ADAMTS2: variants seen among roughly 807,000 people sequenced by gnomAD.
The protein encoded by ADAMTS2 is A disintegrin and metalloproteinase with thrombospondin motifs 2.
ADAMTS2 carries 50 observed loss-of-function variants against 123.0 expected under a neutral mutation model. The ratio of observed to expected loss-of-function variants is 0.41; its 90% CI spans 0.32 to 0.51. ADAMTS2 has a LOEUF of 0.51. ADAMTS2 is among the 20% of genes least tolerant of loss of function. The pLI, the probability that ADAMTS2 is intolerant of heterozygous loss-of-function variation, is 0.35. For missense variants in ADAMTS2, 1,494 were observed against 1,705.2 expected (o/e 0.88, Z 2.18); for synonymous variants, 678 against 695.4 (o/e 0.98, Z 0.39).
chr5:179,250,380 GGAAA>G (rs1202499262), intron 3 of ADAMTS2, among the ~76,000 whole-genome samples: 1 of 152,158 alleles, frequency 6.6e-6, no homozygotes, highest in Admixed American at 6.5e-5. Context: ...ACTTCTTGAG[GGAAA>G]ATGGGGAATG....
At chr5:179,333,596 G>GTTTTTTTTTTTTTT (rs1219136980) in intron 2 of ADAMTS2, among the ~76,000 whole-genome samples, 6 of 105,994 alleles carry the variant, frequency 5.7e-5, no homozygotes, top group South Asian at 3.5e-4. Context: ...GTTTTTTTCT[G>GTTTTTTTTTTTTTT]TTTTTTTTTT....
intron 2 of ADAMTS2, among the ~76,000 whole-genome samples, chr5:179,273,583 G>A (rs1193668399): frequency 6.6e-6 from 1 of 152,152 alleles, no homozygotes; most frequent in African/African-American, 2.4e-5. Flanking sequence ...CACTCAGAAT[G>A]ATGAGATTTC....
intron 2 of ADAMTS2, among the ~76,000 whole-genome samples, chr5:179,295,562 C>T (rs903972347): frequency 2.6e-5 from 4 of 152,208 alleles, no homozygotes; most frequent in African/African-American, 9.6e-5. Flanking sequence ...CTCTCATAGT[C>T]CAGGTGCTGG....
intron 5 of ADAMTS2, among the ~76,000 whole-genome samples, chr5:179,163,857 A>G (rs1763645554): frequency 6.6e-6 from 1 of 151,976 alleles, no homozygotes; most frequent in African/African-American, 2.4e-5. Context: ...CCAGAGCTAA[A>G]GGGGTCTATG....
At chr5:179,264,953 C>T (rs1208172643) in intron 3 of ADAMTS2, among the ~76,000 whole-genome samples, 2 of 112,128 alleles carry the variant, frequency 1.8e-5, no homozygotes, top group African/African-American at 2.6e-5. Context: ...CCTGCACCAG[C>T]GCTGACCCCT....
At position 179,121,533 on chromosome 5, in the gene ADAMTS2, C is replaced by T. The variant is rs1581136421; in HGVS notation, c.3178+128G>A. The stretch of plus-strand genomic sequence containing the variant: ...TCAGAGGCCCGGGAGAAAACGGTCA[C>T]CCCAGAGCGCGCCCGCAGAGTCAGG... On this transcript the variant is annotated intron_variant, in intron 21 of 21. Transcript: ENST00000251582. 2.3e-5 allele frequency: 17 copies of T among 739,668 alleles called. 2 individuals are homozygous for T. The South Asian group carries it at 3.3e-4, about 14-fold the overall frequency. The allele number at this position is 739,668 out of a possible 1,614,324, so 45.8% of individuals were successfully genotyped here. A position where few individuals can be genotyped will look rare whatever the true frequency, so the allele number is the denominator to read the frequency against.
At chr5:179,139,518 CA>C (rs1174503573) in intron 11 of ADAMTS2, among the ~76,000 whole-genome samples, 3 of 152,078 alleles carry the variant, frequency 2.0e-5, no homozygotes, top group African/African-American at 4.8e-5. Context: ...CACCTGGCTG[CA>C]AACAGCTGCC....
intron 4 of ADAMTS2, among the ~76,000 whole-genome samples, chr5:179,192,209 G>A (rs992785528): frequency 2.0e-5 from 3 of 152,218 alleles, no homozygotes; most frequent in Admixed American, 6.5e-5. Context: ...TGTGCCCCTC[G>A]ACCTGGGCAG....
At position 179,186,083 on chromosome 5, in the gene ADAMTS2, AG is replaced by A. The variant is rs1764164293; in HGVS notation, c.892-4929del. Among the ~76,000 whole-genome samples the A allele has an allele frequency of 1.3e-5, 2 of 152,032 alleles. 1 individual carries two copies. Among genetic ancestry groups the A allele is most frequent in the East Asian group, 3.9e-4 (2 of 5,118 alleles). ...TCCCCAGGCATGCCCACTCTCTGGG[AG>A]GCAGGCCTGAGCAAGGCCGTGGTGG... is the stretch of plus-strand genomic sequence containing the variant. On this transcript the variant is annotated intron_variant, in intron 4 of 21. Coordinates refer to ENST00000251582, the MANE Select transcript of ADAMTS2 (RefSeq NM_014244.5).
Position 179,111,583 on chromosome 5 carries a change from G to GAATGTC in ADAMTS2, c.*2278_*2283dup, listed in dbSNP as rs1011324059. 5.2e-5 allele frequency: 8 copies of GAATGTC among 152,402 alleles called. No individual in the cohort carries two copies. Among genetic ancestry groups the GAATGTC allele is most frequent in the African/African-American group, 1.9e-4 (8 of 41,596 alleles). 9.4% of individuals were successfully genotyped at this position (152,402 alleles called of 1,614,324 possible). ...CTTCAGCGGAAGACAGGTGCCCAGG[G>GAATGTC]AATGTCCCAGCTGGGCCTCTTCCCA... is the stretch of plus-strand genomic sequence containing the variant. On this transcript the variant is annotated 3_prime_UTR_variant, in exon 22 of 22. Coordinates refer to ENST00000251582, the MANE Select transcript of ADAMTS2 (RefSeq NM_014244.5).
rs554618534 is a variant in ADAMTS2, at chr5:179,131,166, A to T, written c.2290+1064T>A. The stretch of plus-strand genomic sequence containing the variant: ...TCTCTAGTAAAAAATACAAAAAATT[A>T]GCTGGGCATGGTGGCACACGCCTGT... On this transcript the variant is annotated intron_variant, in intron 15 of 21. Coordinates refer to ENST00000251582, the MANE Select transcript of ADAMTS2 (RefSeq NM_014244.5). Among the ~76,000 whole-genome samples, 11 of 152,022 alleles carry T rather than the reference A, an allele frequency of 7.2e-5. No homozygotes were observed. The South Asian group carries it at 2.3e-3, about 32-fold the overall frequency.
intron 2 of ADAMTS2, among the ~76,000 whole-genome samples, chr5:179,336,109 C>A (rs1161253142): frequency 6.6e-6 from 1 of 152,254 alleles, no homozygotes; most frequent in Non-Finnish European, 1.5e-5. Flanking sequence ...CTGGTCCCCC[C>A]AACACGCATC....
intron 4 of ADAMTS2, among the ~76,000 whole-genome samples, chr5:179,194,479 A>G (rs1467978375): frequency 6.6e-6 from 1 of 152,212 alleles, no homozygotes; most frequent in Non-Finnish European, 1.5e-5. Context: ...GCCAAGGCAA[A>G]GCAAGAGGCA....
At position 179,307,336 on chromosome 5, in the gene ADAMTS2, C is replaced by G. The variant is rs779679016; in HGVS notation, c.535-34272G>C. ...ACCGGCCCTCTCAGGGCTCGAGCAC[C>G]CGGCCAACCCTGGGTGGCCACTGCT... On this transcript the variant is annotated intron_variant, in intron 2 of 21. Transcript: ENST00000251582. This position sits in a 1 kb window ranked among gnomAD's most constrained non-coding sequence, Gnocchi z 5.6. Among the ~76,000 whole-genome samples the G allele has an allele frequency of 1.3e-4, 20 of 152,142 alleles. No individual in the cohort carries two copies. Among genetic ancestry groups the G allele is most frequent in the Non-Finnish European group, 2.8e-4 (19 of 68,016 alleles).
Position 179,332,821 on chromosome 5 carries a change from G to T in ADAMTS2, c.534+10946C>A, listed in dbSNP as rs898961875. 4.6e-5 allele frequency among the ~76,000 whole-genome samples: 7 copies of T among 152,208 alleles called. No individual in the cohort carries two copies. The highest frequency in any genetic ancestry group is 3.4e-3 in the Middle Eastern group (1 of 294). ...CAGGGCCTGGGCACCTGCCTGGGAGGGCACTGAGGAGCACCAAGGAGGATG... is the reference window on the plus strand; with the variant it reads ...CAGGGCCTGGGCACCTGCCTGGGAGTGCACTGAGGAGCACCAAGGAGGATG... On this transcript the variant is annotated intron_variant, in intron 2 of 21. Transcript: ENST00000251582. This position sits in a 1 kb window ranked among gnomAD's most constrained non-coding sequence, Gnocchi z 4.2.
At chr5:179,127,848 C>G (rs1762885252) in intron 17 of ADAMTS2, 111 bp downstream of exon 17, 1 of 1,468,620 alleles carries the variant, frequency 6.8e-7, no homozygotes, top group African/African-American at 1.4e-5. Flanking sequence ...GCAAAGGTCC[C>G]TGCTGTGGCT....
chr5:179,154,342 T>A (rs1270975237), intron 7 of ADAMTS2, 150 bp from the exon 8 acceptor site: 1 of 1,158,478 alleles, frequency 8.6e-7, no homozygotes, highest in Non-Finnish European at 1.2e-6. Flanking sequence ...ACCATCTACC[T>A]GCTGCAATTT....
chr5:179,306,178 A>G (rs1274184954), intron 2 of ADAMTS2, among the ~76,000 whole-genome samples: 1 of 152,066 alleles, frequency 6.6e-6, no homozygotes, highest in Non-Finnish European at 1.5e-5. Flanking sequence ...GAACCTATAA[A>G]CCAATATCCC....
chr5:179,119,607 C>T (rs1762718847), intron 21 of ADAMTS2, among the ~76,000 whole-genome samples: 1 of 152,212 alleles, frequency 6.6e-6, no homozygotes, highest in African/African-American at 2.4e-5. Flanking sequence ...GCCCAGAGAG[C>T]CACCACTGCC....
Sources: gnomAD v4.1 joint callset for allele counts (sites outside exome capture counted in the v4.1 genomes callset) on GRCh38, gnomAD v4.1.1 for gene constraint, Gnocchi (gnomAD v3.1) non-coding constraint, MANE v1.5 for transcripts, NCBI Gene and HGNC (gene_info 2026-07-23, HGNC 2026-07-21) for gene names.